The following KCNQ1 variants were observed in gnomAD, a reference collection of about 807,000 sequenced individuals.
KCNQ1 encodes the protein potassium voltage-gated channel subfamily KQT member 1.
A neutral mutation model predicts 72.4 loss-of-function variants in KCNQ1; 49 were observed. That is an observed-to-expected ratio of 0.68 (90% CI 0.54 to 0.86). The LOEUF (loss-of-function observed/expected upper bound fraction) is 0.86. Among genes scored for constraint, KCNQ1 ranks in the 40% least tolerant of loss-of-function variants. The pLI, the probability that KCNQ1 is intolerant of heterozygous loss-of-function variation, is 0.00. For synonymous variants in KCNQ1, 450 were observed against 412.6 expected (o/e 1.09, Z -1.10); for missense variants, 790 against 945.1 (o/e 0.84, Z 2.15).
rs959104116 is a variant in KCNQ1 at position 2,463,191 on chromosome 11, G to A, written c.386+17707G>A. 5.3e-5 allele frequency among the ~76,000 whole-genome samples: 8 copies of A among 152,142 alleles called. No homozygotes were observed. The highest frequency in any genetic ancestry group is 2.1e-4 in the South Asian group (1 of 4,836). ...CTCCGTCCCTGGCTCAGCCTCTCCC[G>A]GCTGTGACCTTGGGGGACCATTGAC... is the stretch of plus-strand genomic sequence containing the variant. On this transcript the variant is annotated intron_variant, in intron 1 of 15. Coordinates refer to ENST00000155840, the MANE Select transcript of KCNQ1 (RefSeq NM_000218.3). This position sits in a 1 kb window ranked among gnomAD's most constrained non-coding sequence, Gnocchi z 7.0.
chr11:2,611,501 T>G lies in KCNQ1; in HGVS notation c.1393+22647T>G. On this transcript the variant is annotated intron_variant, in intron 10 of 15. Transcript: ENST00000155840. This position sits in a 1 kb window ranked among gnomAD's most constrained non-coding sequence, Gnocchi z 5.3. ...TGCTGGGATTACAGGTGTGAGCCAC[T>G]GCACCCAGCCAATTTTGTCTGATTT... is the stretch of plus-strand genomic sequence containing the variant. 1 of 398,386 alleles carries G rather than the reference T, an allele frequency of 2.5e-6. No individual in the cohort carries two copies. The allele number at this position is 398,386 out of a possible 1,614,324, so 24.7% of individuals were successfully genotyped here.
At chr11:2,594,537 C>A (rs1386223340) in intron 10 of KCNQ1, among the ~76,000 whole-genome samples, 4 of 152,148 alleles carry the variant, frequency 2.6e-5, no homozygotes, top group Non-Finnish European at 4.4e-5. Context: ...TTTCCAGAAA[C>A]TTCTATTTGA....
In KCNQ1 at chr11:2,669,081, G is replaced by A. The variant is rs1850136006; in HGVS notation, c.1514+7000G>A. On this transcript the variant is annotated intron_variant, in intron 11 of 15. Transcript: ENST00000155840. The surrounding 1 kb of genome is among the most constrained non-coding windows in gnomAD (Gnocchi z 5.6). ...CTCTCCCAACTACCCTGCCGTATCA[G>A]TGTCTTTACAATCAGCTCACTGGCT... 5.0e-6 allele frequency: 2 copies of A among 398,630 alleles called. No individual in the cohort carries two copies. The highest frequency in any genetic ancestry group is 2.1e-5 in the African/African-American group (1 of 48,644). 24.7% of individuals were successfully genotyped at this position (398,630 alleles called of 1,614,324 possible). A position where few individuals can be genotyped will look rare whatever the true frequency, so the allele number is the denominator to read the frequency against.
intron 1 of KCNQ1, chr11:2,521,373 GTT>G (rs1491293516): frequency 2.6e-6 from 1 of 384,952 alleles, no homozygotes; most frequent in Admixed American, 2.9e-5. Flanking sequence ...GGCACTGTGT[GTT>G]ATCCGGTGTC....
At chr11:2,729,154 C>G (rs965830955) in intron 11 of KCNQ1, among the ~76,000 whole-genome samples, 2 of 152,250 alleles carry the variant, frequency 1.3e-5, no homozygotes, top group African/African-American at 4.8e-5. Flanking sequence ...GGGTCCAGAC[C>G]TGTTGCCGAG....
At chr11:2,699,696 C>G in intron 11 of KCNQ1, 1 of 227,800 alleles carries the variant, frequency 4.4e-6, no homozygotes, top group Non-Finnish European at 6.8e-6. Context: ...CCCGGGTGCC[C>G]CGAGGAGAAC....
chr11:2,465,550 G>A, intron 1 of KCNQ1, among the ~76,000 whole-genome samples: 1 of 152,362 alleles, frequency 6.6e-6, no homozygotes, highest in South Asian at 2.1e-4. Context: ...CACACAGCTT[G>A]TGCGTAGCAG....
Position 2,536,739 on chromosome 11 carries a change from A to G in KCNQ1, c.477+8721A>G, listed in dbSNP as rs1847737918. On this transcript the variant is annotated intron_variant, in intron 2 of 15. Coordinates refer to ENST00000155840, the MANE Select transcript of KCNQ1 (RefSeq NM_000218.3). The surrounding 1 kb of genome is among the most constrained non-coding windows in gnomAD (Gnocchi z 7.4). ...CCTATCTCCAGCCACGTGGGTCGCG[A>G]GAGTCGACCTGGGCTGCGTGATGGG... 1.3e-5 allele frequency among the ~76,000 whole-genome samples: 2 copies of G among 150,896 alleles called. No individual in the cohort carries two copies. Among genetic ancestry groups the G allele is most frequent in the Admixed American group, 6.6e-5 (1 of 15,254 alleles).
At chr11:2,634,760 C>T (rs1028405846) in intron 10 of KCNQ1, 2 of 152,224 alleles carry the variant, frequency 1.3e-5, no homozygotes, top group Non-Finnish European at 2.9e-5. Context: ...ACCACACTGT[C>T]TTCTACAATG....
chr11:2,792,726 C>T (rs550978429), intron 15 of KCNQ1, among the ~76,000 whole-genome samples: 5 of 152,208 alleles, frequency 3.3e-5, no homozygotes, highest in African/African-American at 4.8e-5. Flanking sequence ...AGCCTGGGGG[C>T]GCAGACCACC....
intron 11 of KCNQ1, among the ~76,000 whole-genome samples, chr11:2,701,036 G>T (rs1850802904): frequency 6.6e-6 from 1 of 152,176 alleles, no homozygotes; most frequent in Non-Finnish European, 1.5e-5. Context: ...CTCGAAAGTT[G>T]TTACAACCCC....
intron 2 of KCNQ1, among the ~76,000 whole-genome samples, chr11:2,529,325 C>A (rs1304041600): frequency 6.6e-6 from 1 of 152,098 alleles, no homozygotes; most frequent in Non-Finnish European, 1.5e-5. Context: ...CTTTCTTTTT[C>A]GGGGGTTTCC....
At chr11:2,474,745 T>C (rs971177327) in intron 1 of KCNQ1, among the ~76,000 whole-genome samples, 4 of 48,572 alleles carry the variant, frequency 8.2e-5, no homozygotes, top group African/African-American at 1.7e-4. Flanking sequence ...CTGCTGGGAA[T>C]GCTGCTGGTG....
In KCNQ1 at chr11:2,592,707, T is replaced by A. The variant is rs1477467576; in HGVS notation, c.1393+3853T>A. Among the ~76,000 whole-genome samples the A allele has an allele frequency of 6.6e-6, 1 of 152,198 alleles. No individual in the cohort carries two copies. Among genetic ancestry groups the A allele is most frequent in the African/African-American group, 2.4e-5 (1 of 41,460 alleles). ...GCGAGGATGCGGTGGCCATTGTCTG[T>A]GCCCAGCCTGGGGAGCCTGACACTC... On this transcript the variant is annotated intron_variant, in intron 10 of 15. Transcript: ENST00000155840. The surrounding 1 kb of genome is among the most constrained non-coding windows in gnomAD (Gnocchi z 5.2).
Position 2,671,847 on chromosome 11 carries a change from C to T in KCNQ1, c.1514+9766C>T. On this transcript the variant is annotated intron_variant, in intron 11 of 15. Coordinates refer to ENST00000155840, the MANE Select transcript of KCNQ1 (RefSeq NM_000218.3). The surrounding 1 kb of genome is among the most constrained non-coding windows in gnomAD (Gnocchi z 4.7). Reference sequence around the variant, plus strand: ...CACTGTGGTTATAGGTCTGAGCCTTCTGCCCCAGGGAGCCAAGCCCTGGAG... The same window carrying T: ...CACTGTGGTTATAGGTCTGAGCCTTTTGCCCCAGGGAGCCAAGCCCTGGAG... The T allele has an allele frequency of 5.0e-6, 2 of 398,742 alleles. No individual in the cohort carries two copies. The highest frequency in any genetic ancestry group is 8.8e-6 in the Non-Finnish European group (2 of 226,128). 24.7% of individuals were successfully genotyped at this position (398,742 alleles called of 1,614,324 possible). A position where few individuals can be genotyped will look rare whatever the true frequency, so the allele number is the denominator to read the frequency against.
At chr11:2,590,165 A>G (rs1181896607) in intron 10 of KCNQ1, among the ~76,000 whole-genome samples, 1 of 152,188 alleles carries the variant, frequency 6.6e-6, no homozygotes, top group Non-Finnish European at 1.5e-5. Flanking sequence ...GGTATTTGAG[A>G]TAGCTGTGCT....
Position 2,611,494 on chromosome 11 carries a change from G to A in KCNQ1, c.1393+22640G>A. The A allele has an allele frequency of 2.5e-6, 1 of 398,242 alleles. No individual in the cohort carries two copies. The allele number at this position is 398,242 out of a possible 1,614,324, so 24.7% of individuals were successfully genotyped here. A position where few individuals can be genotyped will look rare whatever the true frequency, so the allele number is the denominator to read the frequency against. On this transcript the variant is annotated intron_variant, in intron 10 of 15. Transcript: ENST00000155840. This position sits in a 1 kb window ranked among gnomAD's most constrained non-coding sequence, Gnocchi z 5.3. The stretch of plus-strand genomic sequence containing the variant: ...CCCAAAATGCTGGGATTACAGGTGT[G>A]AGCCACTGCACCCAGCCAATTTTGT...
intron 2 of KCNQ1, among the ~76,000 whole-genome samples, chr11:2,528,761 T>G (rs995100556): frequency 6.6e-6 from 1 of 152,094 alleles, no homozygotes. Context: ...AGGAAGAGAG[T>G]GTCACGACTC....
Position 2,482,044 on chromosome 11 carries a change from G to A in KCNQ1, c.386+36560G>A, listed in dbSNP as rs968552678. 6.6e-6 allele frequency among the ~76,000 whole-genome samples: 1 copy of A among 152,140 alleles called. No homozygotes were observed. Among genetic ancestry groups the A allele is most frequent in the African/African-American group, 2.4e-5 (1 of 41,416 alleles). ...CATCGGCTGTTTGCTTTATGAATTT[G>A]TGCCTCAGTTTCTTCATCTCTGAAA... On this transcript the variant is annotated intron_variant, in intron 1 of 15. Coordinates refer to ENST00000155840, the MANE Select transcript of KCNQ1 (RefSeq NM_000218.3). This position sits in a 1 kb window ranked among gnomAD's most constrained non-coding sequence, Gnocchi z 5.7.
Sources: allele counts gnomAD v4.1 joint callset (sites outside exome capture counted in the v4.1 genomes callset), GRCh38; gene constraint gnomAD v4.1.1; non-coding constraint Gnocchi (gnomAD v3.1); transcripts MANE v1.5; gene names NCBI Gene and HGNC (gene_info 2026-07-23, HGNC 2026-07-21).